DCC: variants seen among roughly 807,000 people sequenced by gnomAD.
DCC encodes the protein DCC netrin 1 receptor.
A neutral mutation model predicts 172.5 loss-of-function variants in DCC; 58 were observed. The observed-to-expected ratio is 0.34, with a 90% confidence interval of 0.27 to 0.42. DCC has a LOEUF of 0.42. Ranked by LOEUF, DCC falls within the 10% of genes least tolerant of loss-of-function variation. The pLI, the probability that DCC is intolerant of heterozygous loss-of-function variation, is 1.00. For synonymous variants in DCC, 709 were observed against 644.5 expected (o/e 1.10, Z -1.52); for missense variants, 1,740 against 1,791.0 (o/e 0.97, Z 0.51).
In DCC at chr18:53,525,799, T is replaced by G. The variant is rs1389034628; in HGVS notation, c.4112-818T>G. Among the ~76,000 whole-genome samples, 3 of 152,134 alleles carry G rather than the reference T, an allele frequency of 2.0e-5. No homozygotes were observed. The East Asian group carries it at 5.8e-4, about 29-fold the overall frequency. On this transcript the variant is annotated intron_variant, in intron 27 of 28. Coordinates refer to ENST00000442544, the MANE Select transcript of DCC (RefSeq NM_005215.4). The stretch of plus-strand genomic sequence containing the variant: ...CTCTAATACCTTTTCTGCTGAAGTC[T>G]TGGTTACAATGCTAAGAATGACATA...
chr18:52,462,369 T>C (rs1988657528), intron 1 of DCC, among the ~76,000 whole-genome samples: 1 of 152,086 alleles, frequency 6.6e-6, no homozygotes, highest in Non-Finnish European at 1.5e-5. Flanking sequence ...AAAGACATCA[T>C]ACAATCTGTG....
chr18:52,664,019 A>G (rs1369045624), intron 1 of DCC, among the ~76,000 whole-genome samples: 1 of 152,184 alleles, frequency 6.6e-6, no homozygotes, highest in Non-Finnish European at 1.5e-5. Context: ...AAGAATTCAT[A>G]TGAGTTGAGA....
chr18:52,561,314 A>C lies in DCC; in HGVS notation c.92-190740A>C, dbSNP rs1453404618. On this transcript the variant is annotated intron_variant, in intron 1 of 28. Coordinates refer to ENST00000442544, the MANE Select transcript of DCC (RefSeq NM_005215.4). ...TGTGTGTATGTGTATATAGGCAGAG[A>C]TCAATATGTGTATATATAATAGATA... Among the ~76,000 whole-genome samples, 3 of 151,726 alleles carry C rather than the reference A, an allele frequency of 2.0e-5. No homozygotes were observed. The East Asian group carries it at 5.8e-4, about 29-fold the overall frequency.
intron 2 of DCC, among the ~76,000 whole-genome samples, chr18:52,825,129 GTTTC>G (rs910404237): frequency 1.2e-4 from 18 of 152,106 alleles, no homozygotes; most frequent in Admixed American, 6.6e-5. Flanking sequence ...TTAGACAGAT[GTTTC>G]TTTAAGTTTT....
intron 1 of DCC, among the ~76,000 whole-genome samples, chr18:52,574,255 G>C (rs1452378240): frequency 6.6e-6 from 1 of 151,956 alleles, no homozygotes; most frequent in African/African-American, 2.4e-5. Context: ...TTGTTATTTT[G>C]GCTAACCATT....
chr18:52,656,620 C>G (rs770284336), intron 1 of DCC, among the ~76,000 whole-genome samples: 2 of 152,168 alleles, frequency 1.3e-5, no homozygotes, highest in Admixed American at 1.3e-4. Flanking sequence ...ATGCTACGCT[C>G]TAACTTGGCC....
At chr18:53,172,275 A>G (rs547871412) in intron 8 of DCC, among the ~76,000 whole-genome samples, 72 of 152,254 alleles carry the variant, frequency 4.7e-4, no homozygotes, top group African/African-American at 1.6e-3. Flanking sequence ...AACACTGAGT[A>G]CTCAGGGACA....
chr18:53,327,384 A>G (rs961754357), intron 14 of DCC, among the ~76,000 whole-genome samples: 2 of 152,180 alleles, frequency 1.3e-5, no homozygotes, highest in Non-Finnish European at 2.9e-5. Flanking sequence ...AAATGAGAGA[A>G]TTTGTGATAG....
intron 2 of DCC, among the ~76,000 whole-genome samples, chr18:52,796,745 G>C (rs1237433691): frequency 6.6e-6 from 1 of 152,078 alleles, no homozygotes; most frequent in Non-Finnish European, 1.5e-5. Flanking sequence ...GCTGTTTTTA[G>C]AATTCTGTCA....
chr18:52,473,125 T>C (rs1598845971), intron 1 of DCC, among the ~76,000 whole-genome samples: 1 of 152,304 alleles, frequency 6.6e-6, no homozygotes, highest in East Asian at 1.9e-4. Context: ...TCATTATTTT[T>C]AGAAGCTTAT....
rs910136256 is a variant in DCC at position 53,524,679 on chromosome 18, T to A, written c.4112-1938T>A. Among the ~76,000 whole-genome samples, 7 of 152,176 alleles carry A rather than the reference T, an allele frequency of 4.6e-5. 1 individual carries two copies. Among genetic ancestry groups the A allele is most frequent in the Admixed American group, 4.6e-4 (7 of 15,254 alleles). The stretch of plus-strand genomic sequence containing the variant: ...GAAACAATGATAAAAAATGAGCTTT[T>A]ATCCCCAGATTTATAGTCCTTGAAC... On this transcript the variant is annotated intron_variant, in intron 27 of 28. Transcript: ENST00000442544.
intron 2 of DCC, among the ~76,000 whole-genome samples, chr18:52,849,655 G>A (rs1467251771): frequency 6.6e-6 from 1 of 152,042 alleles, no homozygotes; most frequent in African/African-American, 2.4e-5. Flanking sequence ...AATATGCCCC[G>A]AGCACCAAAG....
chr18:52,676,730 T>A (rs989370980), intron 1 of DCC, among the ~76,000 whole-genome samples: 1 of 152,166 alleles, frequency 6.6e-6, no homozygotes, highest in African/African-American at 2.4e-5. Flanking sequence ...AGGAGCTTGA[T>A]TATTGATTTT....
In DCC at chr18:53,486,926, T is replaced by C. The variant is rs544745651; in HGVS notation, c.3866T>C (p.Val1289Ala). 28 of 1,614,210 alleles carry C rather than the reference T, an allele frequency of 1.7e-5. No individual in the cohort carries two copies. In the South Asian group the frequency reaches 2.2e-4, roughly 13 times the overall value. Reference sequence around the variant, plus strand: ...CCTGTGCCATTCCCAACACTCTCAGTGGACCGAGGTTTCGGAGCAGGAAGA... The same window carrying C: ...CCTGTGCCATTCCCAACACTCTCAGCGGACCGAGGTTTCGGAGCAGGAAGA... ...LRPVPFPTLS[V>A]DRGFGAGRSQ... is the part of the protein sequence containing the mutation. Residue 1289 changes from valine to alanine, a missense_variant, in exon 26 of 29, where the codon GTG (valine) becomes GCG (alanine). Val to Ala is a moderately conservative substitution (Grantham distance 64). Transcript: ENST00000442544.
At chr18:52,372,532 T>A (rs1340448987) in intron 1 of DCC, among the ~76,000 whole-genome samples, 1 of 152,198 alleles carries the variant, frequency 6.6e-6, no homozygotes, top group Non-Finnish European at 1.5e-5. Context: ...ATATGTTATA[T>A]AGTTGTATAT....
intron 7 of DCC, among the ~76,000 whole-genome samples, chr18:53,082,924 A>G (rs1461181493): frequency 3.3e-5 from 5 of 152,110 alleles, no homozygotes; most frequent in African/African-American, 7.2e-5. Context: ...GGATCCTGAA[A>G]TTCTACATCT....
At chr18:53,508,558 T>C (rs777062551) in intron 27 of DCC, among the ~76,000 whole-genome samples, 23 of 152,206 alleles carry the variant, frequency 1.5e-4, no homozygotes, top group Non-Finnish European at 2.8e-4. Context: ...ACTTTTAGTT[T>C]TAGTGTTGCA....
chr18:53,495,078 A>T lies in DCC; in HGVS notation c.3899-4220A>T, dbSNP rs550334732. ...CACTTACAAAGCTTAGTTTGGCTGG[A>T]TATGAAATTCTGGGTTGAAAATTCT... On this transcript the variant is annotated intron_variant, in intron 26 of 28. Transcript: ENST00000442544. Among the ~76,000 whole-genome samples, 261 of 152,284 alleles carry T rather than the reference A, an allele frequency of 1.7e-3. 2 individuals carry two copies. Among genetic ancestry groups the T allele is most frequent in the African/African-American group, 6.0e-3 (250 of 41,556 alleles).
intron 15 of DCC, among the ~76,000 whole-genome samples, chr18:53,380,503 A>G (rs62098050): frequency 0.46 from 69,629 of 151,976 alleles, 16,901 homozygotes; most frequent in Non-Finnish European, 0.54. Context: ...CTTTATCAGG[A>G]CCGGAACAAA....
Sources: gnomAD v4.1 joint callset for allele counts (sites outside exome capture counted in the v4.1 genomes callset) on GRCh38, gnomAD v4.1.1 for gene constraint, MANE v1.5 for transcripts, NCBI Gene and HGNC (gene_info 2026-07-23, HGNC 2026-07-21) for gene names.